The following NOS1AP variants were observed in gnomAD, a reference collection of about 807,000 sequenced individuals.
The protein encoded by NOS1AP is carboxyl-terminal PDZ ligand of neuronal nitric oxide synthase protein.
A neutral mutation model predicts 56.2 loss-of-function variants in NOS1AP; 21 were observed. The ratio of observed to expected loss-of-function variants is 0.37; its 90% CI spans 0.26 to 0.54. NOS1AP has a LOEUF of 0.54. Ranked by LOEUF, NOS1AP falls within the 20% of genes least tolerant of loss-of-function variation. The pLI is 0.84. For synonymous variants in NOS1AP, 270 were observed against 274.6 expected (o/e 0.98, Z 0.17); for missense variants, 522 against 657.8 (o/e 0.79, Z 2.26).
chr1:162,240,025 G>C (rs1191334240), intron 2 of NOS1AP, among the ~76,000 whole-genome samples: 1 of 152,162 alleles, frequency 6.6e-6, no homozygotes, highest in Non-Finnish European at 1.5e-5. Context: ...CTGGATTGGT[G>C]CTCCTGCCAC....
chr1:162,178,515 G>A (rs1651142475), intron 2 of NOS1AP, among the ~76,000 whole-genome samples: 1 of 152,194 alleles, frequency 6.6e-6, no homozygotes, highest in Non-Finnish European at 1.5e-5. Context: ...GCAACCCTAT[G>A]AAGTAGGGCC....
intron 1 of NOS1AP, among the ~76,000 whole-genome samples, chr1:162,085,183 G>A (rs1392662087): frequency 6.6e-6 from 1 of 152,060 alleles, no homozygotes; most frequent in Non-Finnish European, 1.5e-5. Flanking sequence ...CAGGGAACTT[G>A]CTGCTATGCC....
chr1:162,265,442 T>C (rs1488745466), intron 2 of NOS1AP, among the ~76,000 whole-genome samples: 1 of 146,496 alleles, frequency 6.8e-6, no homozygotes, highest in Non-Finnish European at 1.5e-5. Context: ...TGTGTTCTCA[T>C]TGTTCAATTC....
intron 2 of NOS1AP, among the ~76,000 whole-genome samples, chr1:162,209,470 G>A (rs1652270856): frequency 6.6e-6 from 1 of 152,170 alleles, no homozygotes; most frequent in African/African-American, 2.4e-5. Context: ...GATGTGAGGA[G>A]AGCTCAAATA....
rs993529229 is a variant in NOS1AP, at chr1:162,369,276, A to G, written c.*1809A>G. On this transcript the variant is annotated 3_prime_UTR_variant, in exon 10 of 10. Coordinates refer to ENST00000361897, the MANE Select transcript of NOS1AP (RefSeq NM_014697.3). ...TTGTTTTGTTTTGATCTAATTTGCC[A>G]TTGGAAATAGGTACAGTTACACAGA... 3 of 152,218 alleles carry G rather than the reference A, an allele frequency of 2.0e-5. No homozygotes were observed. The highest frequency in any genetic ancestry group is 7.2e-5 in the African/African-American group (3 of 41,436). The allele number at this position is 152,218 out of a possible 1,614,324, so 9.4% of individuals were successfully genotyped here.
At chr1:162,205,050 A>G (rs1652115526) in intron 2 of NOS1AP, among the ~76,000 whole-genome samples, 1 of 152,356 alleles carries the variant, frequency 6.6e-6, no homozygotes, top group South Asian at 2.1e-4. Context: ...TTCATTTAGC[A>G]CAAAGATATT....
At chr1:162,123,658 T>A (rs1325974618) in intron 1 of NOS1AP, among the ~76,000 whole-genome samples, 2 of 152,220 alleles carry the variant, frequency 1.3e-5, no homozygotes, top group African/African-American at 4.8e-5. Flanking sequence ...ATTTTTAAAT[T>A]TCTTATTTTG....
intron 2 of NOS1AP, among the ~76,000 whole-genome samples, chr1:162,228,915 C>A (rs1179482753): frequency 6.6e-6 from 1 of 152,192 alleles, no homozygotes; most frequent in African/African-American, 2.4e-5. Flanking sequence ...AACTTGCAGT[C>A]ATATTGGACA....
In NOS1AP at chr1:162,241,769, A is replaced by C. The variant is rs142948923; in HGVS notation, c.178-45575A>C. On this transcript the variant is annotated intron_variant, in intron 2 of 9. Transcript: ENST00000361897. The stretch of plus-strand genomic sequence containing the variant: ...TTGACTCAGCAGAGGAGAAAAGGGA[A>C]GGCATTCCAGATGAGGTGACAGATG... Among the ~76,000 whole-genome samples, 375 of 152,324 alleles carry C rather than the reference A, an allele frequency of 2.5e-3. 2 individuals carry two copies. Among genetic ancestry groups the C allele is most frequent in the African/African-American group, 8.4e-3 (351 of 41,576 alleles).
chr1:162,210,031 G>T (rs1652293910), intron 2 of NOS1AP, among the ~76,000 whole-genome samples: 1 of 152,132 alleles, frequency 6.6e-6, no homozygotes, highest in African/African-American at 2.4e-5. Context: ...TTTTAAAAAT[G>T]TATATATTTT....
intron 2 of NOS1AP, among the ~76,000 whole-genome samples, chr1:162,216,260 T>A (rs6684609): frequency 0.093 from 14,123 of 152,248 alleles, 775 homozygotes; most frequent in South Asian, 0.2. Context: ...TGGTGTGTGC[T>A]AGGCCCACTA....
At chr1:162,203,360 T>C (rs1373728578) in intron 2 of NOS1AP, among the ~76,000 whole-genome samples, 1 of 152,230 alleles carries the variant, frequency 6.6e-6, no homozygotes, top group Non-Finnish European at 1.5e-5. Flanking sequence ...CAGATTCCAC[T>C]ACTGGTCTGT....
intron 2 of NOS1AP, among the ~76,000 whole-genome samples, chr1:162,213,664 A>T (rs564640739): frequency 8.5e-5 from 13 of 152,286 alleles, no homozygotes; most frequent in Admixed American, 7.2e-4. Context: ...GGCTGCCTGG[A>T]GTCATTCCCA....
chr1:162,093,574 T>G (rs77007457), intron 1 of NOS1AP, among the ~76,000 whole-genome samples: 1 of 152,138 alleles, frequency 6.6e-6, no homozygotes, highest in Non-Finnish European at 1.5e-5. Context: ...TATTTTTTTT[T>G]GCCGCTATCT....
intron 5 of NOS1AP, among the ~76,000 whole-genome samples, chr1:162,337,675 A>T (rs364472): frequency 0.9 from 137,114 of 152,238 alleles, 62,143 homozygotes; most frequent in Non-Finnish European, 0.95. Flanking sequence ...TGGGGTACTA[A>T]GTTTCATGGA....
intron 1 of NOS1AP, among the ~76,000 whole-genome samples, chr1:162,135,935 T>A (rs1648976148): frequency 6.6e-6 from 1 of 152,258 alleles, no homozygotes; most frequent in Non-Finnish European, 1.5e-5. Context: ...CTTTCCTGTG[T>A]ATGTACAACT....
intron 2 of NOS1AP, among the ~76,000 whole-genome samples, chr1:162,244,555 T>C (rs1355402259): frequency 1.3e-5 from 2 of 152,206 alleles, no homozygotes; most frequent in Admixed American, 1.3e-4. Flanking sequence ...AACTAGTTAG[T>C]GACCGAGCTA....
At chr1:162,200,839 G>A (rs778042316) in intron 2 of NOS1AP, among the ~76,000 whole-genome samples, 3 of 152,184 alleles carry the variant, frequency 2.0e-5, no homozygotes, top group South Asian at 2.1e-4. Context: ...GAACAAGGAC[G>A]TGCTACTCCT....
intron 1 of NOS1AP, among the ~76,000 whole-genome samples, chr1:162,147,633 T>TAGTACTGAG (rs1290720187): frequency 6.6e-6 from 1 of 152,186 alleles, no homozygotes; most frequent in Non-Finnish European, 1.5e-5. Context: ...AATATTAACT[T>TAGTACTGAG]AGTACTGAGG....
Sources: gnomAD v4.1 joint callset for allele counts (sites outside exome capture counted in the v4.1 genomes callset) on GRCh38, gnomAD v4.1.1 for gene constraint, MANE v1.5 for transcripts, NCBI Gene and HGNC (gene_info 2026-07-23, HGNC 2026-07-21) for gene names.